The following GMPS variants were observed in gnomAD, a reference collection of about 807,000 sequenced individuals.
The protein encoded by GMPS is GMP synthase [glutamine-hydrolyzing].
In GMPS, 15 loss-of-function variants were observed where a neutral mutation model predicts 77.9. The observed-to-expected ratio is 0.19, with a 90% CI of 0.13 to 0.30. The LOEUF (loss-of-function observed/expected upper bound fraction) is 0.30, where lower values mean the gene tolerates loss of function less well. Among genes scored for constraint, GMPS ranks in the 10% least tolerant of loss-of-function variants. The pLI is 1.00. For missense variants in GMPS, 590 were observed against 838.8 expected, an observed-to-expected ratio of 0.70 and a Z score of 3.66; for synonymous variants, 224 against 275.9, an observed-to-expected ratio of 0.81 and a Z score of 1.86.
At chr3:155,898,411 A>G (rs1754653153) in intron 3 of GMPS, among the ~76,000 whole-genome samples, 1 of 152,226 alleles carries the variant, frequency 6.6e-6, no homozygotes, top group African/African-American at 2.4e-5. Flanking sequence ...CCTGTTACTT[A>G]TATTTCCTAA....
chr3:155,941,851 T>C lies in GMPS; in HGVS notation c.*4159T>C. 4.7e-6 allele frequency: 1 copy of C among 214,410 alleles called. No individual in the cohort carries two copies. The highest frequency in any genetic ancestry group is 9.4e-6 in the Non-Finnish European group (1 of 106,206). 13.3% of individuals were successfully genotyped at this position (214,410 alleles called of 1,614,324 possible). On this transcript the variant is annotated 3_prime_UTR_variant, in exon 16 of 16. Coordinates refer to ENST00000496455, the MANE Select transcript of GMPS (RefSeq NM_003875.3). ...GTTGACTCTTAAATTTCTGAACGTT[T>C]CACTTAATGGCAAGTGAAGAGATAT...
intron 10 of GMPS, among the ~76,000 whole-genome samples, chr3:155,920,847 T>A (rs568130549): frequency 6.6e-5 from 10 of 152,326 alleles, no homozygotes; most frequent in African/African-American, 2.4e-4. Flanking sequence ...TGCCTATAAC[T>A]AGGCATCTCA....
In GMPS at chr3:155,940,281, A is replaced by G. The variant is rs1755857137; in HGVS notation, c.*2589A>G. The G allele has an allele frequency of 4.9e-6, 1 of 202,714 alleles. No individual in the cohort carries two copies. Among genetic ancestry groups the G allele is most frequent in the African/African-American group, 2.3e-5 (1 of 43,694 alleles). The allele number at this position is 202,714 out of a possible 1,614,324, so 12.6% of individuals were successfully genotyped here. On this transcript the variant is annotated 3_prime_UTR_variant, in exon 16 of 16. Transcript: ENST00000496455. ...AGAACCAAATACCCAGTCCTGCCTTAAAGGCCACATCTATGATCATCAGCT... is the reference window on the plus strand; with the variant it reads ...AGAACCAAATACCCAGTCCTGCCTTGAAGGCCACATCTATGATCATCAGCT...
chr3:155,929,608 G>C (rs1755549883), intron 12 of GMPS, among the ~76,000 whole-genome samples: 1 of 146,094 alleles, frequency 6.8e-6, no homozygotes, highest in South Asian at 2.4e-4. Context: ...TGTATATCTA[G>C]AAAACCCCAC....
intron 13 of GMPS, among the ~76,000 whole-genome samples, chr3:155,933,344 G>A (rs1446310095): frequency 6.6e-6 from 1 of 152,136 alleles, no homozygotes; most frequent in East Asian, 1.9e-4. Flanking sequence ...GGGAGGGACT[G>A]TTCCAGTTTT....
At chr3:155,870,461 C>T (rs1024841605), upstream of GMPS, 1 of 191,584 alleles carries the variant, frequency 5.2e-6, no homozygotes, top group African/African-American at 2.3e-5. Flanking sequence ...AAGGGCGGGC[C>T]GCGGGAGACC....
intron 1 of GMPS, 50 bp from the exon 2 acceptor site, chr3:155,893,468 T>C (rs769735219): frequency 7.8e-7 from 1 of 1,276,612 alleles, no homozygotes; most frequent in Admixed American, 2.4e-5. Flanking sequence ...TTAAGTACTG[T>C]AGCTTTAATT....
At chr3:155,899,432 C>T (rs1479758527) in intron 3 of GMPS, among the ~76,000 whole-genome samples, 2 of 143,608 alleles carry the variant, frequency 1.4e-5, no homozygotes, top group Non-Finnish European at 1.5e-5. Context: ...CTCTTCTTTT[C>T]TTTTTTTTTT....
At chr3:155,884,453 G>A (rs1023621321) in intron 1 of GMPS, among the ~76,000 whole-genome samples, 4 of 151,606 alleles carry the variant, frequency 2.6e-5, no homozygotes, top group African/African-American at 9.7e-5. Context: ...TTAGTCAACA[G>A]TGCCAACTTT....
chr3:155,870,882 C>A lies in GMPS; in HGVS notation c.12C>A (p.Cys4Ter). The A allele has an allele frequency of 6.6e-7, 1 of 1,507,310 alleles. No homozygotes were observed. The allele number at this position is 1,507,310 out of a possible 1,614,324, so 93.4% of individuals were successfully genotyped here. A position where few individuals can be genotyped will look rare whatever the true frequency, so the allele number is the denominator to read the frequency against. ...CGGCCCTGGCCCCGATGGCTCTGTG[C>A]AACGGAGACTCCAAGGTCAGCGTGG... The part of the protein sequence containing the change: MAL[C>*]NGDSKLENAG... The change falls in exon 1 of 16, where the codon TGC becomes TGA. Residue 4 changes from cysteine to a stop codon, truncating the protein, a stop_gained. Coordinates refer to ENST00000496455, the MANE Select transcript of GMPS (RefSeq NM_003875.3). LOFTEE classifies it high-confidence loss of function.
In GMPS at chr3:155,894,266, C is replaced by G. The variant is rs1030083543; in HGVS notation, c.209+567C>G. On this transcript the variant is annotated intron_variant, in intron 2 of 15. Coordinates refer to ENST00000496455, the MANE Select transcript of GMPS (RefSeq NM_003875.3). ...TGAGGCGGAGTCTCACTTGGTTACC[C>G]AGGCTGAAGTGCAGCGGCACGATTT... is the stretch of plus-strand genomic sequence containing the variant. Among the ~76,000 whole-genome samples the G allele has an allele frequency of 2.0e-5, 3 of 152,268 alleles. No homozygotes were observed. In the East Asian group the frequency reaches 5.8e-4, roughly 29 times the overall value.
intron 1 of GMPS, among the ~76,000 whole-genome samples, chr3:155,871,514 C>G (rs1366077243): frequency 2.6e-5 from 4 of 152,202 alleles, no homozygotes; most frequent in Non-Finnish European, 5.9e-5. Context: ...CACTGTCTTC[C>G]CCCTCCCCCA....
intron 12 of GMPS, among the ~76,000 whole-genome samples, chr3:155,927,324 A>G (rs1434787754): frequency 6.6e-6 from 1 of 152,204 alleles, no homozygotes; most frequent in African/African-American, 2.4e-5. Flanking sequence ...TTAATTCTTA[A>G]AAGTTTCTGA....
chr3:155,909,609 T>G (rs1457969905), intron 5 of GMPS, among the ~76,000 whole-genome samples: 1 of 152,238 alleles, frequency 6.6e-6, no homozygotes, highest in Non-Finnish European at 1.5e-5. Context: ...ATGTATTTCC[T>G]ATTCCTATAG....
chr3:155,919,329 C>T lies in GMPS; in HGVS notation c.1309C>T (p.Pro437Ser). 6.5e-7 allele frequency: 1 copy of T among 1,544,608 alleles called. No individual in the cohort carries two copies. Among genetic ancestry groups the T allele is most frequent in the Non-Finnish European group, 8.9e-7 (1 of 1,125,038 alleles). The change falls in exon 10 of 16, where the codon CCA becomes TCA. Residue 437 changes from proline to serine, a missense_variant. Pro to Ser is a moderately conservative substitution (Grantham distance 74). This residue lies in a region of GMPS where 64 missense variants were observed against 114.5 expected (regional missense o/e 0.56). Coordinates refer to ENST00000496455, the MANE Select transcript of GMPS (RefSeq NM_003875.3). The stretch of plus-strand genomic sequence containing the variant: ...TCCAGAAGAGTTAGTTTCCAGGCAT[C>T]CATTTCCAGGTAAAAATTAGAACTG... ...GLPEELVSRH[P>S]FPGPGLAIRV...
At chr3:155,919,387 T>A in intron 10 of GMPS, 49 bp downstream of exon 10, 4 of 861,802 alleles carry the variant, frequency 4.6e-6, no homozygotes, top group Non-Finnish European at 7.6e-6. Flanking sequence ...GACCTTCATG[T>A]TGAAGAAAAA....
chr3:155,918,401 A>C (rs1045069450), intron 9 of GMPS, among the ~76,000 whole-genome samples: 2 of 152,212 alleles, frequency 1.3e-5, no homozygotes, highest in African/African-American at 4.8e-5. Flanking sequence ...GCAGTGAGCC[A>C]AGATTATGCC....
chr3:155,904,501 A>T (rs1048166550), intron 4 of GMPS, among the ~76,000 whole-genome samples: 2 of 152,008 alleles, frequency 1.3e-5, no homozygotes, highest in Non-Finnish European at 2.9e-5. Flanking sequence ...TATTGGCCAG[A>T]TTAGTCTCAA....
chr3:155,901,674 T>G (rs1211320530), intron 3 of GMPS, among the ~76,000 whole-genome samples: 1 of 152,160 alleles, frequency 6.6e-6, no homozygotes, highest in African/African-American at 2.4e-5. Context: ...TTGTATTTTC[T>G]TATCTGCAAA....
Sources: gnomAD v4.1 joint callset for allele counts (sites outside exome capture counted in the v4.1 genomes callset) on GRCh38, gnomAD v4.1.1 for gene constraint, gnomAD v4.1.1 regional missense constraint, MANE v1.5 for transcripts, NCBI Gene and HGNC (gene_info 2026-07-23, HGNC 2026-07-21) for gene names.